GRXCR2: variants seen among roughly 807,000 people sequenced by gnomAD.
The protein encoded by GRXCR2 is glutaredoxin and cysteine rich domain containing 2.
A neutral mutation model predicts 24.8 loss-of-function variants in GRXCR2; 23 were observed. That is an observed-to-expected ratio of 0.93 (90% CI 0.67 to 1.32). The LOEUF is 1.32. Ranked by LOEUF, GRXCR2 falls within the 40% of genes most tolerant of loss-of-function variation. The pLI, the probability that GRXCR2 is intolerant of heterozygous loss-of-function variation, is 0.00. For missense variants in GRXCR2, 315 were observed against 303.4 expected, an observed-to-expected ratio of 1.04 and a Z score of -0.28; for synonymous variants, 130 against 116.1, an observed-to-expected ratio of 1.12 and a Z score of -0.77.
chr5:145,873,218 A>G (rs2149912449), upstream of GRXCR2, among the ~76,000 whole-genome samples: 1 of 152,286 alleles, frequency 6.6e-6, no homozygotes, highest in East Asian at 1.9e-4. Context: ...CATAATCCCA[A>G]GCTCACCATG....
intron 2 of GRXCR2, among the ~76,000 whole-genome samples, chr5:145,883,411 C>T (rs1756732479): frequency 6.6e-6 from 1 of 152,122 alleles, no homozygotes; most frequent in African/African-American, 2.4e-5. Context: ...ATACTTAAAT[C>T]CTCAACATTT....
chr5:145,900,896 C>G (rs911726899), intron 2 of GRXCR2, among the ~76,000 whole-genome samples: 2 of 152,110 alleles, frequency 1.3e-5, no homozygotes, highest in Admixed American at 6.6e-5. Context: ...AACCTAGGTG[C>G]CCATCAGTGG....
chr5:145,916,005 T>A (rs1347684956), intron 2 of GRXCR2, among the ~76,000 whole-genome samples: 1 of 152,064 alleles, frequency 6.6e-6, no homozygotes, highest in Non-Finnish European at 1.5e-5. Flanking sequence ...AGAGTCACCA[T>A]GCGGGGAGGG....
rs139029103 is a variant in GRXCR2, at chr5:145,888,747, G to A, written c.-69-22019C>T. 1.5e-4 allele frequency among the ~76,000 whole-genome samples: 23 copies of A among 152,240 alleles called. No homozygotes were observed. The East Asian group carries it at 4.4e-3, about 29-fold the overall frequency. On this transcript the variant is annotated intron_variant, in intron 2 of 3. Coordinates refer to the GRXCR2 transcript ENST00000639411. Reference sequence around the variant, plus strand: ...ACATTTTATGCATTTATATACATATGTATGCAAGATACAAATAATTTTAAT... The same window carrying A: ...ACATTTTATGCATTTATATACATATATATGCAAGATACAAATAATTTTAAT...
At chr5:145,904,982 C>A (rs753759739) in intron 2 of GRXCR2, among the ~76,000 whole-genome samples, 2 of 152,254 alleles carry the variant, frequency 1.3e-5, no homozygotes, top group South Asian at 2.1e-4. Flanking sequence ...CCGCATGCAC[C>A]GTGACTTATC....
At chr5:145,879,754 T>C (rs1756672515) in intron 2 of GRXCR2, among the ~76,000 whole-genome samples, 3 of 152,184 alleles carry the variant, frequency 2.0e-5, no homozygotes, top group South Asian at 4.1e-4. Flanking sequence ...TATACATTCT[T>C]CTCAGCACCA....
At chr5:145,925,285 T>C (rs890239296) in intron 2 of GRXCR2, among the ~76,000 whole-genome samples, 48 of 152,332 alleles carry the variant, frequency 3.2e-4, no homozygotes, top group African/African-American at 1.1e-3. Flanking sequence ...AGATAAACTA[T>C]AGCTAAAACA....
chr5:145,930,713 G>A (rs753198069), intron 2 of GRXCR2, among the ~76,000 whole-genome samples: 38 of 152,180 alleles, frequency 2.5e-4, no homozygotes, highest in Non-Finnish European at 4.9e-4. Context: ...GGCCTAGCAT[G>A]TTTTTCTTTG....
At chr5:145,889,224 G>GAA (rs1265621206) in intron 2 of GRXCR2, among the ~76,000 whole-genome samples, 1 of 149,852 alleles carries the variant, frequency 6.7e-6, no homozygotes, top group South Asian at 2.2e-4. Context: ...AAGAAAGAAA[G>GAA]AAAGAAAGAA....
rs1475290619 is a variant in GRXCR2 at position 145,931,008 on chromosome 5, C to T, written c.-70+4693G>A. Among the ~76,000 whole-genome samples the T allele has an allele frequency of 3.9e-5, 6 of 152,056 alleles. No homozygotes were observed. In the East Asian group the frequency reaches 9.6e-4, roughly 24 times the overall value. ...AGATTCAAACCGGGTCTGTTAGACT[C>T]CAAAACCATAGGGCTTTTTGTCTGT... On this transcript the variant is annotated intron_variant, in intron 2 of 3. Transcript: ENST00000639411.
chr5:145,921,781 T>C (rs546259051), intron 2 of GRXCR2, among the ~76,000 whole-genome samples: 12 of 152,336 alleles, frequency 7.9e-5, no homozygotes, highest in African/African-American at 2.6e-4. Flanking sequence ...GTATGACATG[T>C]CATGAAACAT....
intron 2 of GRXCR2, among the ~76,000 whole-genome samples, chr5:145,924,457 T>G (rs1379403254): frequency 6.6e-6 from 1 of 152,146 alleles, no homozygotes; most frequent in Non-Finnish European, 1.5e-5. Context: ...CAGGCTTATC[T>G]CCCTTTGTGT....
intron 2 of GRXCR2, among the ~76,000 whole-genome samples, chr5:145,918,904 C>A (rs1757280364): frequency 1.3e-5 from 2 of 152,184 alleles, no homozygotes; most frequent in Non-Finnish European, 2.9e-5. Context: ...AGACTTGGTT[C>A]CCTTCTGTGC....
chr5:145,925,091 C>T (rs1358840790), intron 2 of GRXCR2, among the ~76,000 whole-genome samples: 1 of 152,164 alleles, frequency 6.6e-6, no homozygotes, highest in Non-Finnish European at 1.5e-5. Context: ...TCAGTGTGTG[C>T]TCACAATAAT....
intron 2 of GRXCR2, among the ~76,000 whole-genome samples, chr5:145,925,731 T>G (rs963569072): frequency 9.2e-5 from 14 of 152,150 alleles, no homozygotes; most frequent in African/African-American, 3.4e-4. Flanking sequence ...ATCATATAAC[T>G]AATACATAAT....
chr5:145,923,958 T>C (rs895505977), intron 2 of GRXCR2, among the ~76,000 whole-genome samples: 3 of 152,138 alleles, frequency 2.0e-5, no homozygotes, highest in African/African-American at 7.2e-5. Context: ...TTGAATGAAC[T>C]TCTAGATGTA....
intron 2 of GRXCR2, among the ~76,000 whole-genome samples, chr5:145,911,122 C>T (rs748906437): frequency 5.7e-4 from 87 of 152,014 alleles, no homozygotes; most frequent in Non-Finnish European, 1.1e-3. Flanking sequence ...AGGTGTACAG[C>T]GTGATGATTT....
chr5:145,867,491 A>T (rs533930550), intron 1 of GRXCR2, among the ~76,000 whole-genome samples: 29 of 152,322 alleles, frequency 1.9e-4, no homozygotes, highest in Admixed American at 3.3e-4. Context: ...CAATAAATAG[A>T]CTTCTAAAGC....
intron 2 of GRXCR2, among the ~76,000 whole-genome samples, chr5:145,892,988 A>T (rs2149919767): frequency 6.6e-6 from 1 of 152,348 alleles, no homozygotes; most frequent in African/African-American, 2.4e-5. Flanking sequence ...CAACATTCTT[A>T]AAGAAAAGAA....
Sources: gnomAD v4.1 joint callset for allele counts (sites outside exome capture counted in the v4.1 genomes callset) on GRCh38, gnomAD v4.1.1 for gene constraint, MANE v1.5 for transcripts, NCBI Gene and HGNC (gene_info 2026-07-23, HGNC 2026-07-21) for gene names.